CLASP2: variants seen among roughly 807,000 people sequenced by gnomAD.
The protein encoded by CLASP2 is CLIP-associating protein 2.
Under a neutral mutation model 194.4 loss-of-function variants are expected in CLASP2, and 47 were observed. The ratio of observed to expected loss-of-function variants is 0.24; its 90% CI spans 0.19 to 0.31. The LOEUF is 0.31. Ranked by LOEUF, CLASP2 falls within the 10% of genes least tolerant of loss-of-function variation. CLASP2 has a pLI of 1.00. For synonymous variants in CLASP2, 619 were observed against 633.5 expected, an observed-to-expected ratio of 0.98 and a Z score of 0.34; for missense variants, 1,445 against 1,823.6, an observed-to-expected ratio of 0.79 and a Z score of 3.78.
chr3:33,689,026 C>T (rs190195137), intron 3 of CLASP2, among the ~76,000 whole-genome samples: 6 of 152,152 alleles, frequency 3.9e-5, no homozygotes, highest in African/African-American at 1.4e-4. Context: ...CATTTGGAAA[C>T]ACCACCTTTA....
intron 35 of CLASP2, among the ~76,000 whole-genome samples, chr3:33,516,563 A>C (rs1456427966): frequency 6.6e-6 from 1 of 152,092 alleles, no homozygotes; most frequent in Admixed American, 6.6e-5. Context: ...GCTACTCAGG[A>C]GGCTGAGGCA....
chr3:33,609,170 C>T (rs1474172871), intron 13 of CLASP2, among the ~76,000 whole-genome samples: 1 of 151,608 alleles, frequency 6.6e-6, no homozygotes, highest in East Asian at 2.0e-4. Context: ...CTCCCAGCTA[C>T]TTGAGAGGTG....
Position 33,510,740 on chromosome 3 carries a change from C to A in CLASP2, c.4135G>T (p.Ala1379Ser). The A allele has an allele frequency of 6.2e-7, 1 of 1,611,732 alleles. No homozygotes were observed. The highest frequency in any genetic ancestry group is 8.5e-7 in the Non-Finnish European group (1 of 1,178,868). Residue 1379 changes from alanine to serine, a missense_variant, in exon 37 of 39, where the codon GCA (alanine) becomes TCA (serine). This residue lies in a region of CLASP2 where 732 missense variants were observed against 987.9 expected (regional missense o/e 0.74). Transcript: ENST00000682230. ...KEVVRSAEEA[A>S]SVLATSISPE... ...CTAATTGAAGTGGCCAACACTGATG[C>A]CGCTTCCTCAGCAGATCTCACCACC...
rs752916905 is a variant in CLASP2, at chr3:33,544,856, C to T, written c.3154-15G>A. ...GACTGTGCTGCCTAAAAAACAAAGG[C>T]ATACAGTAGATGAATATATTTTTGT... On this transcript the variant is annotated splice_polypyrimidine_tract_variant and intron_variant, in intron 30 of 38. Transcript: ENST00000682230. The T allele has an allele frequency of 8.2e-6, 13 of 1,586,022 alleles. No homozygotes were observed. The highest frequency in any genetic ancestry group is 2.3e-5 in the East Asian group (1 of 44,158).
intron 37 of CLASP2, among the ~76,000 whole-genome samples, chr3:33,506,626 C>A (rs1477694036): frequency 6.6e-6 from 1 of 151,960 alleles, no homozygotes; most frequent in African/African-American, 2.4e-5. Flanking sequence ...ACTCTGTCTG[C>A]CATTTTCTGT....
At chr3:33,651,509 T>C (rs2083208579) in intron 7 of CLASP2, among the ~76,000 whole-genome samples, 1 of 151,808 alleles carries the variant, frequency 6.6e-6, no homozygotes, top group South Asian at 2.1e-4. Flanking sequence ...TAAAATCTAA[T>C]ACATTCTGAA....
At chr3:33,530,872 G>T (rs1048739346) in intron 34 of CLASP2, among the ~76,000 whole-genome samples, 2 of 152,126 alleles carry the variant, frequency 1.3e-5, no homozygotes, top group Admixed American at 1.3e-4. Flanking sequence ...TCATGGATTG[G>T]AACACTTAAT....
In CLASP2 at chr3:33,606,673, G is replaced by T. The variant is rs769254869; in HGVS notation, c.1612C>A (p.Gln538Lys). 1.9e-6 allele frequency: 3 copies of T among 1,613,328 alleles called. No homozygotes were observed. The highest frequency in any genetic ancestry group is 2.5e-6 in the Non-Finnish European group (3 of 1,179,396). Reference protein sequence around the residue: ...SLEPSYQKSLQTYLKSSGSVA... With the variant: ...SLEPSYQKSLKTYLKSSGSVA... ...CTGCCAGAACTCTTTAAGTAAGTTT[G>T]AAGACTCTTCTGATAAGATGGCTCA... Residue 538 changes from glutamine (Q) to lysine (K), a missense_variant, in exon 16 of 39, where the codon CAA (glutamine) becomes AAA (lysine). Gln to Lys is a moderately conservative substitution (Grantham distance 53). Around this residue, in one of 4 missense-constraint regions of CLASP2, gnomAD observed 207 missense variants for 331.4 expected, o/e 0.62. Coordinates refer to ENST00000682230, the MANE Select transcript of CLASP2 (RefSeq NM_001365631.1).
At chr3:33,560,743 A>T in intron 28 of CLASP2, 65 bp downstream of exon 28, 2 of 1,409,100 alleles carry the variant, frequency 1.4e-6, no homozygotes, top group Non-Finnish European at 9.9e-7. Context: ...CTGAACTATT[A>T]ACACAGGGGT....
chr3:33,635,440 A>G (rs564368472), intron 8 of CLASP2, among the ~76,000 whole-genome samples: 1 of 152,330 alleles, frequency 6.6e-6, no homozygotes, highest in South Asian at 2.1e-4. Context: ...TCTGTCTGGA[A>G]GAGCAATAGG....
chr3:33,636,293 A>C (rs1378074524), intron 8 of CLASP2, among the ~76,000 whole-genome samples: 4 of 152,154 alleles, frequency 2.6e-5, no homozygotes, highest in African/African-American at 9.7e-5. Context: ...GGCCCCACGG[A>C]ATCTACTTGT....
rs1480989132 is a variant in CLASP2, at chr3:33,689,881, T to A, written c.326A>T (p.Asp109Val). The A allele has an allele frequency of 1.2e-6, 2 of 1,600,892 alleles. No homozygotes were observed. ...CTTCAATATCAGAGTCTGAGCTTCA[T>A]CTCGAACCTTGTCTTTGGCATCTCC... is the stretch of plus-strand genomic sequence containing the variant. ...RMGDAKDKVR[D>V]EAQTLILKLM... Residue 109 changes from aspartate (D) to valine (V), a missense_variant, in exon 3 of 39, where the codon GAT becomes GTT. Transcript: ENST00000682230.
intron 27 of CLASP2, among the ~76,000 whole-genome samples, chr3:33,565,950 G>C (rs2062660817): frequency 6.6e-6 from 1 of 152,158 alleles, no homozygotes; most frequent in Non-Finnish European, 1.5e-5. Context: ...ATTATATACA[G>C]ATTTTTCTAT....
At chr3:33,563,637 T>TA (rs2062155210) in intron 27 of CLASP2, among the ~76,000 whole-genome samples, 1 of 152,160 alleles carries the variant, frequency 6.6e-6, no homozygotes, top group Non-Finnish European at 1.5e-5. Context: ...TGACACCACA[T>TA]AAACAAATAA....
chr3:33,712,479 C>G (rs1429111761), intron 1 of CLASP2, among the ~76,000 whole-genome samples: 1 of 152,010 alleles, frequency 6.6e-6, no homozygotes, highest in South Asian at 2.1e-4. Flanking sequence ...CAAAAGCCAC[C>G]TGTACCCACA....
intron 2 of CLASP2, among the ~76,000 whole-genome samples, chr3:33,694,205 AT>A (rs983189815): frequency 1.3e-5 from 2 of 152,234 alleles, no homozygotes; most frequent in African/African-American, 4.8e-5. Context: ...CTTGCTAAAG[AT>A]TACAAAGAAA....
intron 14 of CLASP2, 137 bp downstream of exon 14, chr3:33,608,430 A>G: frequency 2.8e-6 from 2 of 706,668 alleles, no homozygotes; most frequent in Non-Finnish European, 4.9e-6. Context: ...GCACAACACC[A>G]CCACAGCTTT....
At chr3:33,568,980 CTGATGGACAATCAA>C (rs1286125693) in intron 26 of CLASP2, among the ~76,000 whole-genome samples, 2 of 152,186 alleles carry the variant, frequency 1.3e-5, no homozygotes, top group Non-Finnish European at 2.9e-5. Context: ...GACAGAGTCT[CTGATGGACAATCAA>C]TGGCCACACA....
At chr3:33,623,919 T>C (rs751573200) in intron 10 of CLASP2, among the ~76,000 whole-genome samples, 14 of 152,178 alleles carry the variant, frequency 9.2e-5, no homozygotes, top group Non-Finnish European at 1.6e-4. Flanking sequence ...AATATCCTAC[T>C]GAACAGGGAA....
Sources: allele counts gnomAD v4.1 joint callset (sites outside exome capture counted in the v4.1 genomes callset), GRCh38; gene constraint gnomAD v4.1.1; regional missense constraint gnomAD v4.1.1; transcripts MANE v1.5; gene names NCBI Gene and HGNC (gene_info 2026-07-23, HGNC 2026-07-21).